PRDM16: variants seen among roughly 807,000 people sequenced by gnomAD.
The protein encoded by PRDM16 is histone-lysine N-methyltransferase PRDM16.
Under a neutral mutation model 110.6 loss-of-function variants are expected in PRDM16, and 23 were observed. The ratio of observed to expected loss-of-function variants is 0.21; its 90% CI spans 0.15 to 0.29. The LOEUF (loss-of-function observed/expected upper bound fraction) is 0.29, where lower values mean the gene tolerates loss of function less well. Ranked by LOEUF, PRDM16 falls within the 10% of genes least tolerant of loss-of-function variation. The pLI, the probability that PRDM16 is intolerant of heterozygous loss-of-function variation, is 1.00. For synonymous variants in PRDM16, 799 were observed against 781.8 expected (o/e 1.02, Z -0.37); for missense variants, 1,615 against 1,794.3 (o/e 0.90, Z 1.81).
At chr1:3,117,701 C>G (rs1642991825) in intron 1 of PRDM16, among the ~76,000 whole-genome samples, 1 of 152,162 alleles carries the variant, frequency 6.6e-6, no homozygotes, top group East Asian at 1.9e-4. Context: ...AGGCCCAGGT[C>G]CCGTCTGGCC....
intron 1 of PRDM16, among the ~76,000 whole-genome samples, chr1:3,140,387 C>T (rs550835684): frequency 1.1e-4 from 17 of 152,270 alleles, no homozygotes; most frequent in Admixed American, 6.5e-4. Flanking sequence ...TCAGGATGAG[C>T]GCAGAGGCCT....
At chr1:3,357,409 A>G (rs964492228) in intron 3 of PRDM16, among the ~76,000 whole-genome samples, 4 of 148,998 alleles carry the variant, frequency 2.7e-5, no homozygotes, top group Admixed American at 1.3e-4. Context: ...CTGGGTCTCC[A>G]GCTCCAGCCG....
chr1:3,237,739 C>T (rs974646782), intron 2 of PRDM16, among the ~76,000 whole-genome samples: 1 of 152,238 alleles, frequency 6.6e-6, no homozygotes, highest in South Asian at 2.1e-4. Flanking sequence ...CACTCACAGG[C>T]GGGGCTGCCA....
At chr1:3,114,199 G>GCGCA (rs1423517167) in intron 1 of PRDM16, among the ~76,000 whole-genome samples, 3 of 110,356 alleles carry the variant, frequency 2.7e-5, no homozygotes, top group African/African-American at 1.1e-4. Flanking sequence ...ACACGCACAC[G>GCGCA]CACGCACACA....
chr1:3,233,463 A>G (rs1185586104), intron 2 of PRDM16, among the ~76,000 whole-genome samples: 1 of 152,166 alleles, frequency 6.6e-6, no homozygotes, highest in Non-Finnish European at 1.5e-5. Flanking sequence ...CAGTGAGCGG[A>G]ATCTGTCCTG....
At chr1:3,264,870 A>G (rs1640251236) in intron 3 of PRDM16, among the ~76,000 whole-genome samples, 1 of 152,224 alleles carries the variant, frequency 6.6e-6, no homozygotes, top group African/African-American at 2.4e-5. Flanking sequence ...CAGGCTATGG[A>G]AATAGGGTCC....
intron 1 of PRDM16, among the ~76,000 whole-genome samples, chr1:3,104,182 T>A (rs938926178): frequency 1.3e-5 from 2 of 152,202 alleles, no homozygotes; most frequent in African/African-American, 4.8e-5. Flanking sequence ...CCTGCATGCT[T>A]GCTCCCTGCT....
intron 1 of PRDM16, among the ~76,000 whole-genome samples, chr1:3,180,534 C>A (rs1644137739): frequency 6.6e-6 from 1 of 152,144 alleles, no homozygotes; most frequent in South Asian, 2.1e-4. Flanking sequence ...GGGACCGAGT[C>A]CCCACAGGGC....
At chr1:3,286,134 C>T (rs540684644) in intron 3 of PRDM16, among the ~76,000 whole-genome samples, 1 of 152,332 alleles carries the variant, frequency 6.6e-6, no homozygotes, top group African/African-American at 2.4e-5. Context: ...CCTCCTCCAG[C>T]TCCCTCTCCT....
chr1:3,352,218 C>T (rs1642508814), intron 3 of PRDM16, among the ~76,000 whole-genome samples: 1 of 152,210 alleles, frequency 6.6e-6, no homozygotes, highest in Non-Finnish European at 1.5e-5. Flanking sequence ...GCCCTCTCTG[C>T]CATGGGCTGG....
At chr1:3,409,274 C>T (rs1314851974) in intron 8 of PRDM16, among the ~76,000 whole-genome samples, 5 of 151,624 alleles carry the variant, frequency 3.3e-5, no homozygotes, top group African/African-American at 4.9e-5. Flanking sequence ...CTTGTTTGGC[C>T]GGCAGGGCTG....
At chr1:3,270,090 ACAGT>A (rs527869561) in intron 3 of PRDM16, among the ~76,000 whole-genome samples, 222 of 150,382 alleles carry the variant, frequency 1.5e-3, no homozygotes, top group Non-Finnish European at 2.1e-3. Context: ...CCAGAGGATG[ACAGT>A]CAGGGAGGAT....
intron 8 of PRDM16, among the ~76,000 whole-genome samples, chr1:3,406,545 T>C (rs2483222): frequency 0.25 from 38,229 of 151,416 alleles, 5,096 homozygotes; most frequent in African/African-American, 0.34. Context: ...GCCTGAGCAA[T>C]GTAGCAAGAC....
At chr1:3,405,012 C>A in intron 7 of PRDM16, 126 bp downstream of exon 7, 2 of 1,044,144 alleles carry the variant, frequency 1.9e-6, no homozygotes, top group South Asian at 1.6e-5. Context: ...GGGTAGGAGG[C>A]CCCTGCGGTG....
chr1:3,281,803 G>A (rs1640716170), intron 3 of PRDM16, among the ~76,000 whole-genome samples: 1 of 152,246 alleles, frequency 6.6e-6, no homozygotes, highest in South Asian at 2.1e-4. Context: ...ATGAGCTATG[G>A]TCCGATCGAT....
chr1:3,432,477 A>T (rs1371457204), intron 16 of PRDM16, among the ~76,000 whole-genome samples: 1 of 152,092 alleles, frequency 6.6e-6, no homozygotes, highest in Non-Finnish European at 1.5e-5. Flanking sequence ...TCCCTCTCTG[A>T]TCTGGGCCCC....
At chr1:3,417,278 C>A (rs1569747529) in intron 10 of PRDM16, among the ~76,000 whole-genome samples, 1 of 152,238 alleles carries the variant, frequency 6.6e-6, no homozygotes, top group African/African-American at 2.4e-5. Context: ...ACTTTGCCTG[C>A]AATTATGGCA....
In PRDM16 at chr1:3,336,006, G is replaced by A. The variant is rs942189736; in HGVS notation, c.439-49146G>A. Among the ~76,000 whole-genome samples the A allele has an allele frequency of 3.3e-5, 5 of 152,252 alleles. No homozygotes were observed. In the East Asian group the frequency reaches 5.8e-4, roughly 18 times the overall value. ...CGTGGATCTGTCAGGCAGCCCCACA[G>A]AGGAGGCTGTGACGTCTCGACAGCC... On this transcript the variant is annotated intron_variant, in intron 3 of 16. Coordinates refer to ENST00000270722, the MANE Select transcript of PRDM16 (RefSeq NM_022114.4).
chr1:3,373,284 G>C (rs1288846022), intron 3 of PRDM16, among the ~76,000 whole-genome samples: 2 of 152,176 alleles, frequency 1.3e-5, no homozygotes, highest in Admixed American at 1.3e-4. Flanking sequence ...AGTCTCCTTA[G>C]AGCCCCTAGA....
Sources: gnomAD v4.1 joint callset for allele counts (sites outside exome capture counted in the v4.1 genomes callset) on GRCh38, gnomAD v4.1.1 for gene constraint, MANE v1.5 for transcripts, NCBI Gene and HGNC (gene_info 2026-07-23, HGNC 2026-07-21) for gene names.